Variants in TRPC4 observed in about 807,000 individuals in gnomAD.
TRPC4 encodes the protein short transient receptor potential channel 4.
A neutral mutation model predicts 99.4 loss-of-function variants in TRPC4; 49 were observed. The ratio of observed to expected loss-of-function variants is 0.49; its 90% confidence interval spans 0.39 to 0.63. The LOEUF (loss-of-function observed/expected upper bound fraction) is 0.63. Ranked by LOEUF, TRPC4 falls within the 20% of genes least tolerant of loss-of-function variation. The pLI, the probability that TRPC4 is intolerant of heterozygous loss-of-function variation, is 0.00. For missense variants in TRPC4, 898 were observed against 1,152.9 expected (o/e 0.78, Z 3.20); for synonymous variants, 454 against 425.9 (o/e 1.07, Z -0.81).
At chr13:37,741,814 T>A (rs2139136106) in intron 3 of TRPC4, among the ~76,000 whole-genome samples, 1 of 152,032 alleles carries the variant, frequency 6.6e-6, no homozygotes, top group Non-Finnish European at 1.5e-5. Context: ...GTGGAGGCAA[T>A]ATGGTGTGAT....
At chr13:37,684,797 A>G (rs1953405999) in intron 4 of TRPC4, among the ~76,000 whole-genome samples, 1 of 24,958 alleles carries the variant, frequency 4.0e-5, no homozygotes, top group African/African-American at 1.6e-4. Context: ...TACCCCTTAC[A>G]CACACACACA....
chr13:37,769,990 T>C (rs73168489), intron 2 of TRPC4, among the ~76,000 whole-genome samples: 1,727 of 151,630 alleles, frequency 0.011, 14 homozygotes, highest in Middle Eastern at 0.062. Context: ...GTTACACAAA[T>C]AGTAAGTCGT....
chr13:37,821,268 G>T (rs1958004283), intron 1 of TRPC4, among the ~76,000 whole-genome samples: 1 of 150,022 alleles, frequency 6.7e-6, no homozygotes, highest in Non-Finnish European at 1.5e-5. Context: ...GGAGGTGAAA[G>T]ATCTCTACAA....
intron 4 of TRPC4, among the ~76,000 whole-genome samples, chr13:37,682,637 T>C (rs923538516): frequency 6.6e-6 from 1 of 152,164 alleles, no homozygotes. Context: ...ACCCTATCTG[T>C]TCCCAACCAC....
At chr13:37,742,284 T>A (rs980025147) in intron 3 of TRPC4, among the ~76,000 whole-genome samples, 1 of 152,182 alleles carries the variant, frequency 6.6e-6, no homozygotes, top group African/African-American at 2.4e-5. Context: ...TTAATTGTTT[T>A]AATATGTTGA....
chr13:37,702,813 A>G (rs980560943), intron 3 of TRPC4, among the ~76,000 whole-genome samples: 2 of 152,140 alleles, frequency 1.3e-5, no homozygotes, highest in Admixed American at 6.6e-5. Context: ...ACCATCTCCC[A>G]TATCAGTCTT....
chr13:37,755,743 T>G (rs748239811), intron 2 of TRPC4, among the ~76,000 whole-genome samples: 4 of 152,160 alleles, frequency 2.6e-5, no homozygotes, highest in Admixed American at 2.6e-4. Context: ...TGAAAGTCTC[T>G]TAAAGATAGT....
intron 6 of TRPC4, among the ~76,000 whole-genome samples, chr13:37,661,675 GCAGA>G (rs1263215292): frequency 2.0e-5 from 3 of 152,140 alleles, no homozygotes; most frequent in Admixed American, 1.3e-4. Context: ...AGACCAGCTG[GCAGA>G]CAGACAAAGA....
intron 3 of TRPC4, among the ~76,000 whole-genome samples, chr13:37,698,991 T>C (rs1954014768): frequency 6.6e-6 from 1 of 152,176 alleles, no homozygotes; most frequent in Non-Finnish European, 1.5e-5. Context: ...TTTACCGTAC[T>C]TTGTATTATA....
chr13:37,841,990 C>T (rs1308980370), intron 1 of TRPC4, among the ~76,000 whole-genome samples: 1 of 151,926 alleles, frequency 6.6e-6, no homozygotes, highest in Non-Finnish European at 1.5e-5. Context: ...AAACTTATGG[C>T]CAGGCACAGT....
In TRPC4 at chr13:37,812,197, C is replaced by CAAAAAA. The variant is rs1156963631; in HGVS notation, c.-27-28838_-27-28837insTTTTTT. On this transcript the variant is annotated intron_variant, in intron 1 of 10. Coordinates refer to ENST00000379705, the MANE Select transcript of TRPC4 (RefSeq NM_016179.4). Reference sequence around the variant, plus strand: ...CTATCAAAAAAAAAAAAAAAAAAACCAGGAGATCTAATTGCTTCAAGTAAA... The same window carrying CAAAAAA: ...CTATCAAAAAAAAAAAAAAAAAAACCAAAAAAAGGAGATCTAATTGCTTCAAGTAAA... Among the ~76,000 whole-genome samples the CAAAAAA allele has an allele frequency of 3.5e-4, 39 of 111,186 alleles. 2 individuals are homozygous for CAAAAAA. Among genetic ancestry groups the CAAAAAA allele is most frequent in the Non-Finnish European group, 5.6e-4 (29 of 51,986 alleles). The allele number at this position is 111,186 out of a possible 152,430, so 72.9% of individuals were successfully genotyped here.
rs1951515468 is a variant in TRPC4, at chr13:37,636,229, G to C, written c.*674C>G. On this transcript the variant is annotated 3_prime_UTR_variant, in exon 11 of 11. Coordinates refer to ENST00000379705, the MANE Select transcript of TRPC4 (RefSeq NM_016179.4). Reference sequence around the variant, plus strand: ...GGGCGAGTTTTTTTCCTGACAAAATGTCGTTAAAAATCATCAGTCATCAAA... The same window carrying C: ...GGGCGAGTTTTTTTCCTGACAAAATCTCGTTAAAAATCATCAGTCATCAAA... Among the ~76,000 whole-genome samples the C allele has an allele frequency of 6.6e-6, 1 of 151,794 alleles. No homozygotes were observed. Among genetic ancestry groups the C allele is most frequent in the African/African-American group, 2.4e-5 (1 of 41,338 alleles).
chr13:37,758,832 A>G (rs1392350310), intron 2 of TRPC4, among the ~76,000 whole-genome samples: 1 of 151,654 alleles, frequency 6.6e-6, no homozygotes, highest in African/African-American at 2.4e-5. Context: ...ATAAAACCTT[A>G]TAGGGCATAA....
intron 7 of TRPC4, among the ~76,000 whole-genome samples, chr13:37,652,908 G>C (rs1570609): frequency 0.39 from 59,041 of 151,872 alleles, 12,150 homozygotes; most frequent in East Asian, 0.71. Flanking sequence ...CATAGTCTAT[G>C]GTGCTTAGAA....
At chr13:37,841,127 G>C (rs186537498) in intron 1 of TRPC4, among the ~76,000 whole-genome samples, 3 of 152,056 alleles carry the variant, frequency 2.0e-5, no homozygotes, top group African/African-American at 7.2e-5. Context: ...AATAATAACA[G>C]GTGATTTACA....
chr13:37,666,761 T>G (rs528515557), intron 5 of TRPC4, among the ~76,000 whole-genome samples: 22 of 152,354 alleles, frequency 1.4e-4, no homozygotes, highest in Admixed American at 7.8e-4. Flanking sequence ...TGTTTGTCTT[T>G]GAGTGGCCTC....
In TRPC4 at chr13:37,687,695, T is replaced by A. The variant is rs1422265235; in HGVS notation, c.1234+4304A>T. ...TATTAAAAATCAAACCCTAAATAAG[T>A]TAAGAGCCTCAGAGTCATGGAGAAC... On this transcript the variant is annotated intron_variant, in intron 4 of 10. Transcript: ENST00000379705. Among the ~76,000 whole-genome samples the A allele has an allele frequency of 2.6e-5, 4 of 152,160 alleles. No individual in the cohort carries two copies. The East Asian group carries it at 7.7e-4, about 29-fold the overall frequency.
chr13:37,859,365 G>C (rs908115216), intron 1 of TRPC4, among the ~76,000 whole-genome samples: 6 of 151,334 alleles, frequency 4.0e-5, no homozygotes, highest in African/African-American at 1.4e-4. Context: ...TGAAAGTAAT[G>C]AAAGACAGGA....
At chr13:37,674,554 C>T (rs1291350410) in intron 4 of TRPC4, among the ~76,000 whole-genome samples, 187 bp from the exon 5 acceptor site, 1 of 152,168 alleles carries the variant, frequency 6.6e-6, no homozygotes, top group Non-Finnish European at 1.5e-5. Context: ...AGATACTAAG[C>T]TAATTCTGGA....
Sources: gnomAD v4.1 joint callset for allele counts (sites outside exome capture counted in the v4.1 genomes callset) on GRCh38, gnomAD v4.1.1 for gene constraint, MANE v1.5 for transcripts, NCBI Gene and HGNC (gene_info 2026-07-23, HGNC 2026-07-21) for gene names.